HELQ: variants seen among roughly 807,000 people sequenced by gnomAD.
HELQ encodes the protein helicase, POLQ like.
A neutral mutation model predicts 111.6 loss-of-function variants in HELQ; 77 were observed. The ratio of observed to expected loss-of-function variants is 0.69; its 90% CI spans 0.57 to 0.83. The LOEUF (loss-of-function observed/expected upper bound fraction) is 0.83. HELQ is among the 40% of genes least tolerant of loss of function. HELQ has a pLI of 0.00. For synonymous variants in HELQ, 438 were observed against 454.7 expected, an observed-to-expected ratio of 0.96 and a Z score of 0.47; for missense variants, 1,200 against 1,288.5, an observed-to-expected ratio of 0.93 and a Z score of 1.05.
At chr4:83,445,914 C>A in intron 5 of HELQ, 100 bp downstream of exon 5, 1 of 736,668 alleles carries the variant, frequency 1.4e-6, no homozygotes, top group South Asian at 1.8e-5. Flanking sequence ...GCTTAAGTAT[C>A]TTGCTTTAGG....
Position 83,453,795 on chromosome 4 carries a change from A to G in HELQ, c.448T>C (p.Ser150Pro). 6.2e-7 allele frequency: 1 copy of G among 1,614,132 alleles called. No individual in the cohort carries two copies. The highest frequency in any genetic ancestry group is 8.5e-7 in the Non-Finnish European group (1 of 1,180,016). Reference protein sequence around the residue: ...ATDFATENLCSESIKNKLSIT... With the variant: ...ATDFATENLCPESIKNKLSIT... ...CTGAGTTTGTTTTTGATACTTTCCG[A>G]GCAAAGATTTTCAGTGGCAAAGTCT... Residue 150 changes from serine to proline, a missense_variant, in exon 2 of 18, where the codon TCG becomes CCG. This residue lies in a region of HELQ where 610 missense variants were observed against 607.1 expected (regional missense o/e 1.00). Coordinates refer to ENST00000295488, the MANE Select transcript of HELQ (RefSeq NM_133636.5).
intron 15 of HELQ, among the ~76,000 whole-genome samples, chr4:83,420,816 TGATCCCAGCTACTCAGGAG>T (rs1328115426): frequency 6.6e-6 from 1 of 152,044 alleles, no homozygotes; most frequent in Non-Finnish European, 1.5e-5. Flanking sequence ...CACATGTCTG[TGATCCCAGCTACTCAGGAG>T]GCTGAGGCAG....
At chr4:83,436,782 G>C (rs377288765) in intron 9 of HELQ, 76 bp downstream of exon 9, 4 of 1,472,684 alleles carry the variant, frequency 2.7e-6, no homozygotes, top group East Asian at 2.3e-5. Context: ...TACTGAGAAA[G>C]CATAAAACAA....
In HELQ at chr4:83,429,717, A is replaced by G. The variant is rs59255439; in HGVS notation, c.2325T>C (p.His775=). ...KIATNLDDIY[H]FMNGTFFGVQ... ...CACCAAAAAATGTACCATTCATGAAATGATAGATGTCATCAAGATTCGTTG... is the reference window on the plus strand; with the variant it reads ...CACCAAAAAATGTACCATTCATGAAGTGATAGATGTCATCAAGATTCGTTG... The change falls in exon 12 of 18, where the codon CAT becomes CAC. Residue 775 remains histidine, a synonymous_variant. Transcript: ENST00000295488. 0.017 allele frequency: 27,277 copies of G among 1,612,388 alleles called. 3,894 individuals are homozygous for G. In the African/African-American group the frequency reaches 0.32, roughly 19 times the overall value.
At chr4:83,453,093 G>C in intron 2 of HELQ, 138 bp downstream of exon 2, 1 of 604,214 alleles carries the variant, frequency 1.7e-6, no homozygotes, top group Non-Finnish European at 2.9e-6. Flanking sequence ...AGGAATGGAA[G>C]GGGCTGAGAG....
intron 15 of HELQ, among the ~76,000 whole-genome samples, chr4:83,418,964 G>T (rs1036701677): frequency 4.6e-5 from 7 of 152,050 alleles, no homozygotes; most frequent in Admixed American, 4.6e-4. Context: ...ACCTTGATGG[G>T]TTTTTCTGTA....
intron 9 of HELQ, among the ~76,000 whole-genome samples, chr4:83,435,471 A>G (rs551159114): frequency 2.6e-4 from 40 of 152,266 alleles, no homozygotes; most frequent in African/African-American, 9.4e-4. Context: ...GTGAAGTGTA[A>G]AAGTGTGAGG....
chr4:83,414,158 C>T (rs993672527), intron 17 of HELQ, among the ~76,000 whole-genome samples: 2 of 152,198 alleles, frequency 1.3e-5, no homozygotes, highest in South Asian at 4.1e-4. Flanking sequence ...CATAGACATA[C>T]ATCAGCTAGG....
intron 14 of HELQ, among the ~76,000 whole-genome samples, chr4:83,424,584 A>C (rs1316674376): frequency 1.3e-5 from 2 of 149,488 alleles, no homozygotes; most frequent in Non-Finnish European, 3.0e-5. Flanking sequence ...TTTGAGACAG[A>C]GTCTTGCTCT....
chr4:83,424,761 T>C (rs1719753405), intron 14 of HELQ, among the ~76,000 whole-genome samples: 1 of 152,046 alleles, frequency 6.6e-6, no homozygotes, highest in Non-Finnish European at 1.5e-5. Flanking sequence ...TTTCACCATG[T>C]TGGTCAGGCT....
intron 13 of HELQ, 131 bp from the exon 14 acceptor site, chr4:83,426,223 T>G (rs569935288): frequency 1.7e-6 from 1 of 595,342 alleles, no homozygotes; most frequent in Admixed American, 3.0e-5. Flanking sequence ...TTTGTAAATG[T>G]TGCAGGTTTT....
intron 2 of HELQ, among the ~76,000 whole-genome samples, chr4:83,452,811 G>C (rs1721467413): frequency 6.6e-6 from 1 of 152,210 alleles, no homozygotes; most frequent in Admixed American, 6.5e-5. Context: ...TCTTAAGTGA[G>C]AGAATGAGAG....
At chr4:83,446,187 T>C (rs1054147472) in intron 4 of HELQ, 101 bp from the exon 5 acceptor site, 2 of 782,596 alleles carry the variant, frequency 2.6e-6, no homozygotes, top group Non-Finnish European at 4.3e-6. Context: ...AAAGAGTTGC[T>C]TATAACTTTT....
chr4:83,421,312 C>T (rs1739670030), intron 15 of HELQ, among the ~76,000 whole-genome samples: 1 of 152,076 alleles, frequency 6.6e-6, no homozygotes, highest in South Asian at 2.1e-4. Context: ...AGAGTTGGGT[C>T]AAAAAGACAC....
At position 83,407,366 on chromosome 4, in the gene HELQ, AT is replaced by A; in HGVS notation, c.*86del. 1 of 789,180 alleles carries A rather than the reference AT, an allele frequency of 1.3e-6. No homozygotes were observed. The allele number at this position is 789,180 out of a possible 1,614,324, so 48.9% of individuals were successfully genotyped here. ...AGTTCTTAATGTATAACTGAAATGT[AT>A]TTTTTCATTTATAAAGTATAAGTTA... On this transcript the variant is annotated 3_prime_UTR_variant, in exon 18 of 18. Coordinates refer to ENST00000295488, the MANE Select transcript of HELQ (RefSeq NM_133636.5).
Position 83,455,537 on chromosome 4 carries a change from GCCTCCTGTTCTCAGCCACCATTTCCT to G in HELQ, c.131_156del (p.Glu44AlafsTer10). On this transcript the variant is annotated frameshift_variant, in exon 1 of 18. Transcript: ENST00000295488. LOFTEE classifies it high-confidence loss of function. ...ACCGGCAGTACGCCCGCGGTTTTCC[GCCTCCTGTTCTCAGCCACCATTTCCT>G]CCTCCTCTTTCCCCTCATCTCCGGG... 1 of 1,613,714 alleles carries G rather than the reference GCCTCCTGTTCTCAGCCACCATTTCCT, an allele frequency of 6.2e-7. No individual in the cohort carries two copies. Among genetic ancestry groups the G allele is most frequent in the Non-Finnish European group, 8.5e-7 (1 of 1,179,626 alleles).
intron 8 of HELQ, among the ~76,000 whole-genome samples, chr4:83,437,455 A>G (rs1720520845): frequency 6.6e-6 from 1 of 152,028 alleles, no homozygotes; most frequent in Non-Finnish European, 1.5e-5. Context: ...TACAAAAAAT[A>G]ACAAAAATTA....
In HELQ at chr4:83,455,694, G is replaced by A. The variant is rs1384419719; in HGVS notation, c.-1C>T. 1 of 1,604,104 alleles carries A rather than the reference G, an allele frequency of 6.2e-7. No individual in the cohort carries two copies. The highest frequency in any genetic ancestry group is 1.4e-5 in the African/African-American group (1 of 73,770). On this transcript the variant is annotated 5_prime_UTR_variant, in exon 1 of 18. Transcript: ENST00000295488. ...GGATGCGGGAACCACATTCATCCAT[G>A]GCAAGGACCCAGGGCCCTATTCAGA...
In HELQ at chr4:83,419,541, C is replaced by T. The variant is rs904588681; in HGVS notation, c.2950-1335G>A. 3.1e-4 allele frequency among the ~76,000 whole-genome samples: 46 copies of T among 146,382 alleles called. 1 individual carries two copies. Among genetic ancestry groups the T allele is most frequent in the African/African-American group, 1.1e-3 (42 of 39,276 alleles). ...AATTAATTAGAGTACAAATTGTCAGCTAGATTTTTCTTAGGATTAGTCATC... is the reference window on the plus strand; with the variant it reads ...AATTAATTAGAGTACAAATTGTCAGTTAGATTTTTCTTAGGATTAGTCATC... On this transcript the variant is annotated intron_variant, in intron 15 of 17. Transcript: ENST00000295488.
Sources: allele counts gnomAD v4.1 joint callset (sites outside exome capture counted in the v4.1 genomes callset), GRCh38; gene constraint gnomAD v4.1.1; regional missense constraint gnomAD v4.1.1; transcripts MANE v1.5; gene names NCBI Gene and HGNC (gene_info 2026-07-23, HGNC 2026-07-21).